PCCA: variants seen among roughly 807,000 people sequenced by gnomAD.
The protein encoded by PCCA is propionyl-CoA carboxylase alpha chain, mitochondrial.
A neutral mutation model predicts 101.3 loss-of-function variants in PCCA; 74 were observed. The observed-to-expected ratio is 0.73, with a 90% CI of 0.61 to 0.89. PCCA has a LOEUF of 0.89. PCCA is among the 40% of genes least tolerant of loss of function. PCCA has a pLI of 0.00. For missense variants in PCCA, 891 were observed against 907.0 expected (o/e 0.98, Z 0.23); for synonymous variants, 294 against 313.6 (o/e 0.94, Z 0.66).
At chr13:100,440,181 T>C (rs1595905578) in intron 20 of PCCA, among the ~76,000 whole-genome samples, 1 of 81,582 alleles carries the variant, frequency 1.2e-5, no homozygotes, top group African/African-American at 7.7e-5. Flanking sequence ...TATATATATA[T>C]ATATATATAT....
In PCCA at chr13:100,175,812, C is replaced by T. The variant is rs559058589; in HGVS notation, c.468+18472C>T. 2.0e-5 allele frequency among the ~76,000 whole-genome samples: 3 copies of T among 152,328 alleles called. No homozygotes were observed. In the East Asian group the frequency reaches 5.8e-4, roughly 29 times the overall value. ...CAGGATGAAAATGCAAAGATGAGGC[C>T]TACAAAAGTTGTCGCAGGTAGCTTC... is the stretch of plus-strand genomic sequence containing the variant. On this transcript the variant is annotated intron_variant, in intron 6 of 23. Transcript: ENST00000376285.
intron 21 of PCCA, among the ~76,000 whole-genome samples, chr13:100,492,831 T>C (rs1304926875): frequency 6.6e-6 from 1 of 151,156 alleles, no homozygotes; most frequent in Non-Finnish European, 1.5e-5. Context: ...GTAGCAGAGA[T>C]CAGCTATGGG....
At chr13:100,414,089 T>C (rs1325951254) in intron 19 of PCCA, among the ~76,000 whole-genome samples, 1 of 152,230 alleles carries the variant, frequency 6.6e-6, no homozygotes, top group Non-Finnish European at 1.5e-5. Context: ...TAAAATTTGT[T>C]TTTGCAATTC....
intron 4 of PCCA, among the ~76,000 whole-genome samples, chr13:100,123,757 G>A (rs900922776): frequency 6.6e-6 from 1 of 152,058 alleles, no homozygotes; most frequent in African/African-American, 2.4e-5. Flanking sequence ...AGAAGACATA[G>A]GTCTATGGAA....
At chr13:100,380,746 G>T (rs901059133) in intron 19 of PCCA, among the ~76,000 whole-genome samples, 1 of 152,152 alleles carries the variant, frequency 6.6e-6, no homozygotes, top group Admixed American at 6.5e-5. Flanking sequence ...TAGATGAATT[G>T]TTCAACATCA....
At chr13:100,228,677 C>G (rs914708069) in intron 7 of PCCA, among the ~76,000 whole-genome samples, 12 of 151,880 alleles carry the variant, frequency 7.9e-5, no homozygotes, top group Non-Finnish European at 1.5e-4. Flanking sequence ...GTGGGAGGAT[C>G]ACTTGAGGTC....
chr13:100,520,285 A>G (rs77125178), intron 22 of PCCA, among the ~76,000 whole-genome samples: 3 of 152,348 alleles, frequency 2.0e-5, no homozygotes, highest in Admixed American at 6.5e-5. Context: ...TGTCTTCTTC[A>G]GAGGTAACGA....
At chr13:100,246,847 A>G (rs1207306940) in intron 8 of PCCA, among the ~76,000 whole-genome samples, 1 of 151,862 alleles carries the variant, frequency 6.6e-6, no homozygotes, top group Non-Finnish European at 1.5e-5. Flanking sequence ...GCAATGTCTT[A>G]TAGAAAACTC....
intron 6 of PCCA, among the ~76,000 whole-genome samples, chr13:100,178,832 CTT>C (rs2056488047): frequency 2.0e-5 from 3 of 151,912 alleles, no homozygotes; most frequent in Admixed American, 1.3e-4. Flanking sequence ...AATCCCAGCA[CTT>C]TGGGAGGCTG....
chr13:100,407,812 C>A (rs1396138158), intron 19 of PCCA, among the ~76,000 whole-genome samples: 1 of 152,174 alleles, frequency 6.6e-6, no homozygotes, highest in Non-Finnish European at 1.5e-5. Flanking sequence ...TTCCAGTAGT[C>A]TTAATTACAT....
At chr13:100,289,301 T>G (rs2064942260) in intron 12 of PCCA, among the ~76,000 whole-genome samples, 1 of 152,110 alleles carries the variant, frequency 6.6e-6, no homozygotes, top group African/African-American at 2.4e-5. Context: ...TTTTTTAGTT[T>G]AGAAAAAATT....
At chr13:100,289,858 A>G (rs1242730735) in intron 12 of PCCA, among the ~76,000 whole-genome samples, 2 of 152,030 alleles carry the variant, frequency 1.3e-5, no homozygotes, top group Non-Finnish European at 2.9e-5. Flanking sequence ...GCCCAGACAC[A>G]TCTTTCATTA....
At chr13:100,185,902 C>T (rs1321412253) in intron 6 of PCCA, among the ~76,000 whole-genome samples, 2 of 152,234 alleles carry the variant, frequency 1.3e-5, no homozygotes, top group Non-Finnish European at 2.9e-5. Context: ...CCGCCTTGGC[C>T]TCCCAAAGTG....
chr13:100,312,301 C>T (rs545899820), intron 16 of PCCA, among the ~76,000 whole-genome samples: 2 of 152,272 alleles, frequency 1.3e-5, no homozygotes, highest in African/African-American at 2.4e-5. Flanking sequence ...TTTCTTTTCT[C>T]GCCTCTCTTG....
intron 21 of PCCA, among the ~76,000 whole-genome samples, chr13:100,497,471 T>A (rs1313903134): frequency 6.6e-6 from 1 of 152,000 alleles, no homozygotes; most frequent in Non-Finnish European, 1.5e-5. Context: ...ATTTTTTTTT[T>A]TTTTTTTAAT....
At chr13:100,286,029 T>C (rs1487655755) in intron 12 of PCCA, among the ~76,000 whole-genome samples, 1 of 152,172 alleles carries the variant, frequency 6.6e-6, no homozygotes, top group African/African-American at 2.4e-5. Flanking sequence ...CTACAAGCTC[T>C]AATTTTAATA....
chr13:100,233,834 G>A (rs1203998488), intron 7 of PCCA, among the ~76,000 whole-genome samples: 1 of 152,166 alleles, frequency 6.6e-6, no homozygotes, highest in Non-Finnish European at 1.5e-5. Flanking sequence ...AGCTTGCTTT[G>A]TGGCATGCTA....
intron 11 of PCCA, 125 bp downstream of exon 11, chr13:100,268,908 G>GAGCCGTGATTGCACCACTGCCT: frequency 2.6e-6 from 2 of 770,948 alleles, no homozygotes; most frequent in Non-Finnish European, 4.5e-6. Context: ...CCCAGGCAGT[G>GAGCCGTGATTGCACCACTGCCT]GTGCAATCAC....
intron 19 of PCCA, among the ~76,000 whole-genome samples, chr13:100,421,306 C>T (rs559175966): frequency 3.0e-4 from 46 of 152,244 alleles, no homozygotes; most frequent in African/African-American, 1.1e-3. Flanking sequence ...CATACCTGTT[C>T]CTCAGCTATT....
Sources: gnomAD v4.1 joint callset for allele counts (sites outside exome capture counted in the v4.1 genomes callset) on GRCh38, gnomAD v4.1.1 for gene constraint, MANE v1.5 for transcripts, NCBI Gene and HGNC (gene_info 2026-07-23, HGNC 2026-07-21) for gene names.